ATP6V0D2: variants seen among roughly 807,000 people sequenced by gnomAD.
ATP6V0D2 encodes the protein V-type proton ATPase subunit d 2.
A neutral mutation model predicts 40.0 loss-of-function variants in ATP6V0D2; 40 were observed. That is an observed-to-expected ratio of 1.00 (90% CI 0.78 to 1.30). ATP6V0D2 has a LOEUF of 1.30. Ranked by LOEUF, ATP6V0D2 falls within the 50% of genes most tolerant of loss-of-function variation. The pLI is 0.00. For synonymous variants in ATP6V0D2, 179 were observed against 156.3 expected, an observed-to-expected ratio of 1.15 and a Z score of -1.08; for missense variants, 470 against 423.1, an observed-to-expected ratio of 1.11 and a Z score of -0.97.
intron 1 of ATP6V0D2, among the ~76,000 whole-genome samples, chr8:86,100,241 G>GATTC: frequency 6.6e-6 from 1 of 151,602 alleles, no homozygotes; most frequent in South Asian, 2.1e-4. Flanking sequence ...CCTTACCAAA[G>GATTC]ATTCCACGTC....
At chr8:86,128,004 C>T (rs1818769733) in intron 2 of ATP6V0D2, among the ~76,000 whole-genome samples, 1 of 151,938 alleles carries the variant, frequency 6.6e-6, no homozygotes, top group African/African-American at 2.4e-5. Flanking sequence ...ATCACTTGAG[C>T]CCAGCAATTA....
chr8:86,147,044 G>A (rs191786560), intron 5 of ATP6V0D2, among the ~76,000 whole-genome samples: 17 of 152,092 alleles, frequency 1.1e-4, no homozygotes, highest in African/African-American at 4.1e-4. Context: ...CAAGGCAAAT[G>A]CACTGTAGTA....
chr8:86,136,383 G>A (rs745901270), intron 2 of ATP6V0D2, among the ~76,000 whole-genome samples: 4 of 152,094 alleles, frequency 2.6e-5, no homozygotes, highest in Admixed American at 2.6e-4. Context: ...AGGAATGTTC[G>A]CAGCTCAGAT....
At chr8:86,126,326 GT>G (rs1344346574) in intron 2 of ATP6V0D2, among the ~76,000 whole-genome samples, 17 of 147,008 alleles carry the variant, frequency 1.2e-4, no homozygotes, top group African/African-American at 4.0e-4. Context: ...TGTTACTTAA[GT>G]AAACGTGTGC....
chr8:86,106,105 A>G (rs1818467733), intron 1 of ATP6V0D2, among the ~76,000 whole-genome samples: 1 of 151,576 alleles, frequency 6.6e-6, no homozygotes. Context: ...AACCTTTAAC[A>G]TGGTGCTTTT....
At chr8:86,123,575 A>T (rs1818701276) in intron 2 of ATP6V0D2, among the ~76,000 whole-genome samples, 4 of 152,162 alleles carry the variant, frequency 2.6e-5, no homozygotes, top group Admixed American at 2.6e-4. Context: ...ATATGATTAG[A>T]TTCATTTGAG....
intron 1 of ATP6V0D2, among the ~76,000 whole-genome samples, chr8:86,104,120 G>C (rs933437736): frequency 6.6e-6 from 1 of 152,002 alleles, no homozygotes; most frequent in Non-Finnish European, 1.5e-5. Context: ...GACCCACCGC[G>C]GCTGGCCTTT....
At chr8:86,135,381 A>C (rs1037097565) in intron 2 of ATP6V0D2, among the ~76,000 whole-genome samples, 2 of 152,224 alleles carry the variant, frequency 1.3e-5, no homozygotes, top group African/African-American at 4.8e-5. Flanking sequence ...TCTAAGATCA[A>C]ATGGAAATGT....
rs751112083 is a variant in ATP6V0D2 at position 86,150,164 on chromosome 8, A to G, written c.692A>G (p.Glu231Gly). The change falls in exon 6 of 8, where the codon GAA becomes GGA. Residue 231 changes from glutamate (E) to glycine (G), a missense_variant. Transcript: ENST00000285393. The part of the protein sequence containing the change: ...FIITLNSFGT[E>G]LSKEDRETLY... The stretch of plus-strand genomic sequence containing the variant: ...ATCACTCTTAACTCCTTTGGCACTG[A>G]ATTGAGCAAAGAAGACCGAGAGACC... The G allele has an allele frequency of 3.1e-6, 5 of 1,613,412 alleles. No homozygotes were observed. In the African/African-American group the frequency reaches 6.7e-5, roughly 22 times the overall value.
intron 5 of ATP6V0D2, among the ~76,000 whole-genome samples, chr8:86,148,447 T>C (rs992901986): frequency 6.6e-6 from 1 of 152,190 alleles, no homozygotes; most frequent in African/African-American, 2.4e-5. Context: ...GTGAAATCTG[T>C]TGCAAGTTGG....
chr8:86,151,598 A>G, intron 7 of ATP6V0D2, 58 bp downstream of exon 7: 4 of 1,399,698 alleles, frequency 2.9e-6, no homozygotes, highest in Non-Finnish European at 4.0e-6. Flanking sequence ...GATTTTATAT[A>G]TTTTCTTACT....
chr8:86,146,356 G>A (rs538450623), intron 5 of ATP6V0D2, among the ~76,000 whole-genome samples: 1 of 152,122 alleles, frequency 6.6e-6, no homozygotes, highest in African/African-American at 2.4e-5. Flanking sequence ...CAATCTTCAT[G>A]GTATCAGATG....
chr8:86,140,887 C>T (rs117104395), intron 3 of ATP6V0D2, among the ~76,000 whole-genome samples: 3,398 of 152,224 alleles, frequency 0.022, 59 homozygotes, highest in Non-Finnish European at 0.034. Context: ...TGATACAACT[C>T]ACCATAATGT....
intron 2 of ATP6V0D2, among the ~76,000 whole-genome samples, chr8:86,133,211 C>A (rs1174699401): frequency 6.6e-6 from 1 of 150,608 alleles, no homozygotes; most frequent in Non-Finnish European, 1.5e-5. Context: ...GCTAGAAAAT[C>A]TTACAGCCCA....
chr8:86,141,638 A>T, intron 4 of ATP6V0D2, 109 bp downstream of exon 4: 1 of 734,890 alleles, frequency 1.4e-6, no homozygotes, highest in Non-Finnish European at 2.1e-6. Flanking sequence ...CAATTATGAA[A>T]CTGTGCATAT....
chr8:86,128,463 A>T (rs762979912), intron 2 of ATP6V0D2, among the ~76,000 whole-genome samples: 1 of 152,240 alleles, frequency 6.6e-6, no homozygotes, highest in Non-Finnish European at 1.5e-5. Context: ...TCACCAAGTT[A>T]AATGTTCTCT....
intron 2 of ATP6V0D2, 23 bp from the exon 3 acceptor site, chr8:86,139,434 G>T: frequency 6.3e-7 from 1 of 1,583,172 alleles, no homozygotes; most frequent in Non-Finnish European, 8.6e-7. Flanking sequence ...GTCCTCTAAT[G>T]ATTGAGTTGT....
chr8:86,126,025 C>T (rs951739841), intron 2 of ATP6V0D2, among the ~76,000 whole-genome samples: 2 of 150,030 alleles, frequency 1.3e-5, no homozygotes, highest in African/African-American at 4.9e-5. Context: ...GCAACCTCCA[C>T]CTCCTGAGTT....
At chr8:86,119,370 A>AG in intron 2 of ATP6V0D2, among the ~76,000 whole-genome samples, 1 of 151,816 alleles carries the variant, frequency 6.6e-6, no homozygotes, top group Admixed American at 6.6e-5. Context: ...CTGGGTCTAC[A>AG]GGTGCACACC....
Sources: gnomAD v4.1 joint callset for allele counts (sites outside exome capture counted in the v4.1 genomes callset) on GRCh38, gnomAD v4.1.1 for gene constraint, MANE v1.5 for transcripts, NCBI Gene and HGNC (gene_info 2026-07-23, HGNC 2026-07-21) for gene names.